KDM5A: variants seen among roughly 807,000 people sequenced by gnomAD.
KDM5A encodes the protein lysine-specific demethylase 5A.
Under a neutral mutation model 193.5 loss-of-function variants are expected in KDM5A, and 42 were observed. That is an observed-to-expected ratio of 0.22 (90% confidence interval 0.17 to 0.28). The LOEUF (loss-of-function observed/expected upper bound fraction) is 0.28. Ranked by LOEUF, KDM5A falls within the 10% of genes least tolerant of loss-of-function variation. The pLI is 1.00. For synonymous variants in KDM5A, 796 were observed against 718.1 expected (o/e 1.11, Z -1.73); for missense variants, 1,692 against 2,055.1 (o/e 0.82, Z 3.42).
intron 19 of KDM5A, among the ~76,000 whole-genome samples, chr12:316,467 T>C (rs966049834): frequency 6.6e-6 from 1 of 152,160 alleles, no homozygotes; most frequent in Non-Finnish European, 1.5e-5. Context: ...TCAGTGACAA[T>C]GAATTTGAAA....
chr12:375,353 A>G (rs1049793332), intron 3 of KDM5A, among the ~76,000 whole-genome samples: 1 of 152,096 alleles, frequency 6.6e-6, no homozygotes, highest in South Asian at 2.1e-4. Flanking sequence ...CTTTCTTCCA[A>G]ATGATCAAAT....
rs147131862 is a variant in KDM5A at position 312,010 on chromosome 12, G to A, written c.3037-946C>T. 5.5e-4 allele frequency among the ~76,000 whole-genome samples: 84 copies of A among 152,260 alleles called. No individual in the cohort carries two copies. The East Asian group carries it at 0.016, about 28-fold the overall frequency. On this transcript the variant is annotated intron_variant, in intron 20 of 27. Coordinates refer to ENST00000399788, the MANE Select transcript of KDM5A (RefSeq NM_001042603.3). ...GATCACACCACTGCACTCCAGCCAG[G>A]GCGACAGAGCAAGACTCTGTCTCAA...
At chr12:349,548 T>C (rs1470310182) in intron 10 of KDM5A, among the ~76,000 whole-genome samples, 1 of 149,180 alleles carries the variant, frequency 6.7e-6, no homozygotes, top group Non-Finnish European at 1.5e-5. Flanking sequence ...CAGGCTGGTC[T>C]TGAACTCCTG....
At chr12:383,744 T>C (rs1244325545) in intron 3 of KDM5A, among the ~76,000 whole-genome samples, 3 of 152,122 alleles carry the variant, frequency 2.0e-5, no homozygotes, top group African/African-American at 7.2e-5. Flanking sequence ...CAAATGTGCA[T>C]TTCATTGTCC....
chr12:295,096 G>A (rs973213090), intron 26 of KDM5A, among the ~76,000 whole-genome samples: 4 of 152,000 alleles, frequency 2.6e-5, no homozygotes, highest in Non-Finnish European at 5.9e-5. Context: ...GGCTACAGAG[G>A]TTGTTCTAAA....
chr12:381,745 T>C (rs1944575415), intron 3 of KDM5A, among the ~76,000 whole-genome samples: 1 of 152,206 alleles, frequency 6.6e-6, no homozygotes, highest in South Asian at 2.1e-4. Context: ...CCAAATTTTT[T>C]AGTAAGAGAA....
Position 345,235 on chromosome 12 carries a change from T to C in KDM5A, c.1308+5386A>G, listed in dbSNP as rs539936349. 3.6e-3 allele frequency among the ~76,000 whole-genome samples: 555 copies of C among 152,282 alleles called. 3 individuals carry two copies. Among genetic ancestry groups the C allele is most frequent in the Middle Eastern group, 6.8e-3 (2 of 294 alleles). ...AAGAGCTAACTATCCTAAATATATATGCACCCAATACAGGAGCACCCAGAT... is the reference window on the plus strand; with the variant it reads ...AAGAGCTAACTATCCTAAATATATACGCACCCAATACAGGAGCACCCAGAT... On this transcript the variant is annotated intron_variant, in intron 10 of 27. Coordinates refer to ENST00000399788, the MANE Select transcript of KDM5A (RefSeq NM_001042603.3).
At chr12:317,871 A>G (rs1591910222) in intron 19 of KDM5A, among the ~76,000 whole-genome samples, 1 of 152,114 alleles carries the variant, frequency 6.6e-6, no homozygotes, top group Non-Finnish European at 1.5e-5. Flanking sequence ...GCACCTCTCC[A>G]GGAGCTGCCT....
intron 26 of KDM5A, among the ~76,000 whole-genome samples, chr12:294,993 C>G (rs371648774): frequency 2.9e-4 from 44 of 152,260 alleles, no homozygotes; most frequent in Admixed American, 4.6e-4. Context: ...TTCTCTCCCC[C>G]CCAGGCTTCT....
At chr12:346,705 A>T (rs900941348) in intron 10 of KDM5A, among the ~76,000 whole-genome samples, 5 of 152,252 alleles carry the variant, frequency 3.3e-5, no homozygotes. Flanking sequence ...GGCCTTTGAC[A>T]AAATTCAACA....
At chr12:315,430 T>C (rs1039682125) in intron 19 of KDM5A, among the ~76,000 whole-genome samples, 24 of 152,098 alleles carry the variant, frequency 1.6e-4, no homozygotes, top group African/African-American at 5.8e-4. Flanking sequence ...AAAAATTAGC[T>C]GGGCATGGTG....
intron 12 of KDM5A, 129 bp from the exon 13 acceptor site, chr12:332,067 A>C: frequency 1.2e-6 from 1 of 816,778 alleles, no homozygotes; most frequent in Non-Finnish European, 2.0e-6. Flanking sequence ...TAAGTTACAC[A>C]TATCAGAAAA....
chr12:348,943 T>C (rs1349418729), intron 10 of KDM5A, among the ~76,000 whole-genome samples: 1 of 148,988 alleles, frequency 6.7e-6, no homozygotes, highest in Non-Finnish European at 1.5e-5. Context: ...CCTTATGGTG[T>C]CAAACTCGTT....
At chr12:374,812 A>T (rs1001031008) in intron 3 of KDM5A, among the ~76,000 whole-genome samples, 4 of 152,010 alleles carry the variant, frequency 2.6e-5, no homozygotes, top group Non-Finnish European at 5.9e-5. Flanking sequence ...GTAAAGGATT[A>T]TATTTCTCCT....
Position 306,990 on chromosome 12 carries a change from C to G in KDM5A, c.4030G>C (p.Asp1344His), listed in dbSNP as rs2137386720. 1 of 1,613,884 alleles carries G rather than the reference C, an allele frequency of 6.2e-7. No homozygotes were observed. Among genetic ancestry groups the G allele is most frequent in the South Asian group, 1.1e-5 (1 of 91,076 alleles). ...GTCTCTCGAATGTCTTCATCAGAGT[C>G]TGTTTCTTCATCATCATAGTCCATT... The part of the protein sequence containing the change: ...QTMDYDDEET[D>H]SDEDIRETYG... The change falls in exon 24 of 28, where the codon GAC becomes CAC. Residue 1344 changes from aspartate to histidine, a missense_variant. Physicochemically the swap from Asp to His is moderately conservative, Grantham distance 81 (BLOSUM62 -1). Transcript: ENST00000399788.
At position 330,085 on chromosome 12, in the gene KDM5A, G is replaced by GTGTGTGTGTGTATATATATATA. The variant is rs377271333; in HGVS notation, c.1774-1057_1774-1056insTATATATATATACACACACACA. On this transcript the variant is annotated intron_variant, in intron 13 of 27. Coordinates refer to ENST00000399788, the MANE Select transcript of KDM5A (RefSeq NM_001042603.3). Reference sequence around the variant, plus strand: ...TGTGTGTGTGTGTGTGTGTGTGTGTGTATATATATATATCTTATGATTAGC... The same window carrying GTGTGTGTGTGTATATATATATA: ...TGTGTGTGTGTGTGTGTGTGTGTGTGTGTGTGTGTGTATATATATATATATATATATATATCTTATGATTAGC... 1.9e-3 allele frequency among the ~76,000 whole-genome samples: 260 copies of GTGTGTGTGTGTATATATATATA among 139,354 alleles called. 2 individuals carry two copies. Among genetic ancestry groups the GTGTGTGTGTGTATATATATATA allele is most frequent in the African/African-American group, 5.3e-3 (199 of 37,252 alleles). The allele number at this position is 139,354 out of a possible 152,430, so 91.4% of individuals were successfully genotyped here.
rs1216734298 is a variant in KDM5A, at chr12:311,112, T to C, written c.3037-48A>G. On this transcript the variant is annotated intron_variant, in intron 20 of 27. Coordinates refer to ENST00000399788, the MANE Select transcript of KDM5A (RefSeq NM_001042603.3). ...CACAATTTGAGTTCTCTTATGGGGT[T>C]TGGCAATATACTGTTGAAAGACCTT... The C allele has an allele frequency of 5.1e-6, 8 of 1,567,770 alleles. No individual in the cohort carries two copies. The African/African-American group carries it at 8.1e-5, about 16-fold the overall frequency.
chr12:330,912 A>G (rs1428835468), intron 13 of KDM5A, among the ~76,000 whole-genome samples: 1 of 152,178 alleles, frequency 6.6e-6, no homozygotes, highest in African/African-American at 2.4e-5. Flanking sequence ...AAATAAAGTC[A>G]GTGTGTATCA....
chr12:331,742 C>T lies in KDM5A; in HGVS notation c.1773+77G>A, dbSNP rs980150403. 78 of 1,559,596 alleles carry T rather than the reference C, an allele frequency of 5.0e-5. No homozygotes were observed. In the East Asian group the frequency reaches 1.7e-3, roughly 35 times the overall value. On this transcript the variant is annotated intron_variant, in intron 13 of 27. Transcript: ENST00000399788. ...GAACCCGACCCTGAGCCCAGCTAAG[C>T]AAATATGGCAACTAAGCTGCTTTAT...
Sources: gnomAD v4.1 joint callset for allele counts (sites outside exome capture counted in the v4.1 genomes callset) on GRCh38, gnomAD v4.1.1 for gene constraint, MANE v1.5 for transcripts, NCBI Gene and HGNC (gene_info 2026-07-23, HGNC 2026-07-21) for gene names.